The following DDX46 variants were observed in gnomAD, a reference collection of about 807,000 sequenced individuals.
DDX46 encodes DEAD-box helicase 46, also known as probable ATP-dependent RNA helicase DDX46.
A neutral mutation model predicts 134.9 loss-of-function variants in DDX46; 30 were observed. The ratio of observed to expected loss-of-function variants is 0.22; its 90% CI spans 0.17 to 0.30. The LOEUF (loss-of-function observed/expected upper bound fraction) is 0.30, where lower values mean the gene tolerates loss of function less well. Ranked by LOEUF, DDX46 falls within the 10% of genes least tolerant of loss-of-function variation. DDX46 has a pLI of 1.00. For missense variants in DDX46, 622 were observed against 1,248.7 expected, an observed-to-expected ratio of 0.50 and a Z score of 7.56; for synonymous variants, 415 against 404.1, an observed-to-expected ratio of 1.03 and a Z score of -0.32.
intron 13 of DDX46, among the ~76,000 whole-genome samples, chr5:134,793,201 G>A (rs1754557555): frequency 6.6e-6 from 1 of 152,058 alleles, no homozygotes; most frequent in African/African-American, 2.4e-5. Context: ...ATTATTTTGT[G>A]AGCTTCATAG....
intron 15 of DDX46, among the ~76,000 whole-genome samples, chr5:134,806,928 T>C (rs962622424): frequency 3.3e-5 from 5 of 152,192 alleles, no homozygotes; most frequent in Non-Finnish European, 5.9e-5. Context: ...TTAAGAGATA[T>C]CCATTTGGGT....
chr5:134,802,031 G>A (rs374660251), intron 15 of DDX46, among the ~76,000 whole-genome samples: 87 of 151,770 alleles, frequency 5.7e-4, no homozygotes, highest in African/African-American at 1.7e-3. Context: ...TTTCTTTCCT[G>A]CCTTATTCTC....
At chr5:134,803,902 A>G (rs181865200) in intron 15 of DDX46, among the ~76,000 whole-genome samples, 7 of 150,432 alleles carry the variant, frequency 4.7e-5, no homozygotes, top group Admixed American at 2.7e-4. Context: ...GAGAATGACA[A>G]GTGATGATGA....
At chr5:134,811,608 C>A in intron 17 of DDX46, 88 bp from the exon 18 acceptor site, 2 of 1,405,456 alleles carry the variant, frequency 1.4e-6, no homozygotes, top group Non-Finnish European at 9.6e-7. Context: ...CATTGACATA[C>A]ACCACCTTGA....
chr5:134,783,343 T>C (rs1347008123), intron 9 of DDX46, among the ~76,000 whole-genome samples: 1 of 150,418 alleles, frequency 6.6e-6, no homozygotes, highest in Admixed American at 6.7e-5. Context: ...GACCTCGGCC[T>C]CCCGGGCTCA....
chr5:134,787,961 A>G (rs1754389345), intron 11 of DDX46, among the ~76,000 whole-genome samples: 1 of 150,762 alleles, frequency 6.6e-6, no homozygotes, highest in Admixed American at 6.6e-5. Context: ...CTAGGCTGCA[A>G]TGACCTATGA....
chr5:134,821,038 C>T lies in DDX46; in HGVS notation c.2977+2034C>T, dbSNP rs1404602505. Reference sequence around the variant, plus strand: ...CCCCCCGCCACACCTAGCTAATTTTCGTTTTTTTTTTTTTTGTGAGAGAGA... The same window carrying T: ...CCCCCCGCCACACCTAGCTAATTTTTGTTTTTTTTTTTTTTGTGAGAGAGA... On this transcript the variant is annotated intron_variant, in intron 21 of 22. Coordinates refer to ENST00000452510, the MANE Select transcript of DDX46 (RefSeq NM_001300860.2). Among the ~76,000 whole-genome samples the T allele has an allele frequency of 3.7e-3, 548 of 146,306 alleles. 3 individuals are homozygous for T. Among genetic ancestry groups the T allele is most frequent in the African/African-American group, 0.013 (519 of 39,826 alleles).
chr5:134,801,271 T>A (rs1754820519), intron 15 of DDX46, among the ~76,000 whole-genome samples: 3 of 152,190 alleles, frequency 2.0e-5, no homozygotes, highest in Middle Eastern at 3.4e-3. Context: ...TGAGACCCTG[T>A]CTCAAATGAA....
rs957781415 is a variant in DDX46, at chr5:134,827,002, A to G, written c.3033A>G (p.Lys1011=). 5.4e-5 allele frequency: 87 copies of G among 1,613,164 alleles called. No homozygotes were observed. The highest frequency in any genetic ancestry group is 7.2e-5 in the Non-Finnish European group (85 of 1,179,652). The part of the protein sequence containing the change: ...KAKAEITRLI[K]EELIRLQNSY... ...AGGCAGAAATCACCAGGCTCATAAA[A>G]GAAGAGCTGATCCGGCTGGTGAGTG... The change falls in exon 22 of 23, where the codon AAA becomes AAG. Residue 1011 remains lysine, a synonymous_variant. Coordinates refer to ENST00000452510, the MANE Select transcript of DDX46 (RefSeq NM_001300860.2).
intron 15 of DDX46, among the ~76,000 whole-genome samples, chr5:134,806,183 C>T (rs915713113): frequency 6.6e-6 from 1 of 151,256 alleles, no homozygotes; most frequent in Non-Finnish European, 1.5e-5. Context: ...ATTGCACAAG[C>T]CTGGGCAACA....
chr5:134,826,315 A>G (rs1344025666), intron 21 of DDX46: 1 of 152,218 alleles, frequency 6.6e-6, no homozygotes, highest in Non-Finnish European at 1.5e-5. Context: ...ACTGTGAATG[A>G]ATGTCTGCAG....
intron 5 of DDX46, among the ~76,000 whole-genome samples, chr5:134,775,480 C>T (rs1413596224): frequency 6.6e-6 from 1 of 151,496 alleles, no homozygotes; most frequent in African/African-American, 2.4e-5. Context: ...GCCGTGATCT[C>T]GGCTCACTGC....
At chr5:134,802,648 C>T (rs1025253417) in intron 15 of DDX46, among the ~76,000 whole-genome samples, 6 of 151,852 alleles carry the variant, frequency 4.0e-5, no homozygotes, top group African/African-American at 9.7e-5. Flanking sequence ...CTAGACGTTC[C>T]TTGTAAGCAT....
At chr5:134,819,593 A>C (rs1041618087) in intron 21 of DDX46, among the ~76,000 whole-genome samples, 1 of 152,004 alleles carries the variant, frequency 6.6e-6, no homozygotes, top group Non-Finnish European at 1.5e-5. Flanking sequence ...GCAGTGGCGC[A>C]ATATCAGCTC....
chr5:134,818,633 C>T (rs1019402298), intron 20 of DDX46, among the ~76,000 whole-genome samples: 2 of 150,348 alleles, frequency 1.3e-5, no homozygotes, highest in Non-Finnish European at 3.0e-5. Context: ...ACCTGGGAGG[C>T]GGAGGTTGCG....
intron 3 of DDX46, 130 bp downstream of exon 3, chr5:134,767,190 G>T (rs758996499): frequency 5.3e-6 from 6 of 1,126,494 alleles, no homozygotes; most frequent in African/African-American, 1.6e-5. Context: ...ACCATGAACT[G>T]TTGGCAGTGT....
Position 134,780,096 on chromosome 5 carries a change from ATATG to A in DDX46, c.766-1035_766-1032del, listed in dbSNP as rs757251786. Among the ~76,000 whole-genome samples the A allele has an allele frequency of 3.8e-3, 472 of 123,500 alleles. 2 individuals are homozygous for A. The highest frequency in any genetic ancestry group is 0.016 in the South Asian group (54 of 3,330). 81.0% of individuals were successfully genotyped at this position (123,500 alleles called of 152,430 possible). ...GAATAAGACTCAGTCTGAAAAAAAT[ATATG>A]TGTGTGTGTGTGTGTGTGTGTGTGT... On this transcript the variant is annotated intron_variant, in intron 6 of 22. Coordinates refer to ENST00000452510, the MANE Select transcript of DDX46 (RefSeq NM_001300860.2).
chr5:134,758,818 T>C lies in DDX46; in HGVS notation c.-121T>C. On this transcript the variant is annotated 5_prime_UTR_variant, in exon 1 of 23. Transcript: ENST00000452510. ...CGCGCTGGGATGGCCGCCACAGCTG[T>C]AGGTGCTGCTAGTGTTTAGCGCTGG... The C allele has an allele frequency of 1.1e-5, 16 of 1,478,566 alleles. No individual in the cohort carries two copies. Among genetic ancestry groups the C allele is most frequent in the East Asian group, 2.3e-5 (1 of 43,972 alleles). The allele number at this position is 1,478,566 out of a possible 1,614,324, so 91.6% of individuals were successfully genotyped here. A position where few individuals can be genotyped will look rare whatever the true frequency, so the allele number is the denominator to read the frequency against.
intron 13 of DDX46, among the ~76,000 whole-genome samples, chr5:134,794,380 G>T (rs1350060589): frequency 2.0e-5 from 3 of 152,134 alleles, no homozygotes; most frequent in Non-Finnish European, 4.4e-5. Flanking sequence ...TTCCAAAGTG[G>T]TTACATCAGA....
Sources: gnomAD v4.1 joint callset for allele counts (sites outside exome capture counted in the v4.1 genomes callset) on GRCh38, gnomAD v4.1.1 for gene constraint, MANE v1.5 for transcripts, NCBI Gene and HGNC (gene_info 2026-07-23, HGNC 2026-07-21) for gene names.